The following ZNF263 variants were observed in gnomAD, a reference collection of about 807,000 sequenced individuals.
ZNF263 encodes zinc finger protein FPM315.
In ZNF263, 49 loss-of-function variants were observed where a neutral mutation model predicts 63.1. That is an observed-to-expected ratio of 0.78 (90% CI 0.62 to 0.99). ZNF263 has a LOEUF of 0.99. Among genes scored for constraint, ZNF263 ranks in the 50% least tolerant of loss-of-function variants. The pLI is 0.00. For synonymous variants in ZNF263, 352 were observed against 324.2 expected (o/e 1.09, Z -0.92); for missense variants, 872 against 854.8 (o/e 1.02, Z -0.25).
intron 1 of ZNF263, among the ~76,000 whole-genome samples, chr16:3,296,798 A>AT (rs34213037): frequency 0.35 from 53,242 of 152,010 alleles, 11,728 homozygotes; most frequent in African/African-American, 0.61. Flanking sequence ...CAATAAAAAA[A>AT]ATGAGAACTC....
chr16:3,300,145 C>T (rs777341871), intron 2 of ZNF263: 66 of 1,614,056 alleles, frequency 4.1e-5, no homozygotes, highest in Admixed American at 8.3e-5. Context: ...CAGTTTTTGT[C>T]GAAATGGCTC....
rs781167397 is a variant in ZNF263 at position 3,284,113 on chromosome 16, A to C, written c.295A>C (p.Ser99Arg). ...FLTILPQEIQ[S>R]RVQELHPESG... ...GACCATCCTGCCCCAGGAGATCCAGAGCAGGGTGCAGGAGCTGCATCCGGA... is the reference window on the plus strand; with the variant it reads ...GACCATCCTGCCCCAGGAGATCCAGCGCAGGGTGCAGGAGCTGCATCCGGA... The change falls in exon 1 of 6, where the codon AGC (serine) becomes CGC (arginine). Residue 99 changes from serine to arginine, a missense_variant. By Grantham distance (110) the Ser-to-Arg change is moderately radical. Transcript: ENST00000219069. The C allele has an allele frequency of 5.0e-6, 8 of 1,612,616 alleles. No homozygotes were observed. In the African/African-American group the frequency reaches 1.1e-4, roughly 22 times the overall value.
Position 3,291,164 on chromosome 16 carries a change from C to T in ZNF263, c.*606C>T. The stretch of plus-strand genomic sequence containing the variant: ...TTACACATGTAAATATGACCTCAGA[C>T]AAAAAGGAACCAGAGGCCCAAGGGC... On this transcript the variant is annotated 3_prime_UTR_variant, in exon 6 of 6. Transcript: ENST00000219069. The T allele has an allele frequency of 1.0e-6, 1 of 985,688 alleles. No individual in the cohort carries two copies. The highest frequency in any genetic ancestry group is 4.7e-5 in the South Asian group (1 of 21,294). The allele number at this position is 985,688 out of a possible 1,614,324, so 61.1% of individuals were successfully genotyped here.
intron 1 of ZNF263, among the ~76,000 whole-genome samples, chr16:3,296,901 G>C (rs1287219301): frequency 6.6e-6 from 1 of 152,202 alleles, no homozygotes; most frequent in East Asian, 1.9e-4. Context: ...AATTCGCAGA[G>C]GGAGTTGGTG....
rs533642330 is a variant in ZNF263, at chr16:3,300,772, A to G, written c.*47-141A>G. The G allele has an allele frequency of 7.8e-6, 10 of 1,275,838 alleles. No individual in the cohort carries two copies. The South Asian group carries it at 1.2e-4, about 15-fold the overall frequency. 79.0% of individuals were successfully genotyped at this position (1,275,838 alleles called of 1,614,324 possible). ...GGATAATGGACTGAAGGGGCTAACC[A>G]TGACTGAAGAGCTAGTCTAGAGGTG... On this transcript the variant is annotated intron_variant, in intron 2 of 2. Transcript: ENST00000574674.
rs747230956 is a variant in ZNF263 at position 3,288,475 on chromosome 16, A to G, written c.791A>G (p.Glu264Gly). The G allele has an allele frequency of 6.2e-7, 1 of 1,612,192 alleles. No homozygotes were observed. The highest frequency in any genetic ancestry group is 2.2e-5 in the East Asian group (1 of 44,794). The change falls in exon 5 of 6, where the codon GAG (glutamate) becomes GGG (glycine). Residue 264 changes from glutamate to glycine, a missense_variant. Physicochemically the swap from Glu to Gly is moderately conservative, Grantham distance 98 (BLOSUM62 -2). Transcript: ENST00000219069. The part of the protein sequence containing the change: ...DSLESHIPSQ[E>G]VPGTQVGQGG... ...ACAGAGTCTCACATTCCCAGTCAGG[A>G]GGTCCCAGGCACCCAGGTGGGACAA...
Position 3,284,114 on chromosome 16 carries a change from G to T in ZNF263, c.296G>T (p.Ser99Ile). The change falls in exon 1 of 6, where the codon AGC (serine) becomes ATC (isoleucine). Residue 99 changes from serine to isoleucine, a missense_variant. Coordinates refer to ENST00000219069, the MANE Select transcript of ZNF263 (RefSeq NM_005741.5). ...FLTILPQEIQ[S>I]RVQELHPESG... ...ACCATCCTGCCCCAGGAGATCCAGA[G>T]CAGGGTGCAGGAGCTGCATCCGGAG... 3.7e-6 allele frequency: 6 copies of T among 1,612,560 alleles called. No homozygotes were observed. Among genetic ancestry groups the T allele is most frequent in the Non-Finnish European group, 5.1e-6 (6 of 1,179,044 alleles).
downstream of ZNF263, among the ~76,000 whole-genome samples, chr16:3,294,172 G>A (rs933197864): frequency 3.9e-5 from 6 of 152,176 alleles, no homozygotes; most frequent in African/African-American, 1.4e-4. Flanking sequence ...TGATCTGCCC[G>A]CCTCGGCCTC....
chr16:3,295,168 C>T (rs1325057161), downstream of ZNF263, among the ~76,000 whole-genome samples: 1 of 152,214 alleles, frequency 6.6e-6, no homozygotes, highest in African/African-American at 2.4e-5. Flanking sequence ...CGCATCGGCT[C>T]ACACGCGGCC....
At chr16:3,300,038 C>A (rs1334446445) in intron 2 of ZNF263, 1 of 1,614,166 alleles carries the variant, frequency 6.2e-7, no homozygotes, top group Non-Finnish European at 8.5e-7. Context: ...TTCCTACTTG[C>A]CTGAGAATTT....
downstream of ZNF263, among the ~76,000 whole-genome samples, chr16:3,295,272 C>G (rs1283462090): frequency 6.6e-6 from 1 of 152,166 alleles, no homozygotes; most frequent in Non-Finnish European, 1.5e-5. Context: ...GGCCGCCCTG[C>G]GCCCGGTCCC....
chr16:3,295,992 G>A (rs1248143819), downstream of ZNF263, among the ~76,000 whole-genome samples: 1 of 152,126 alleles, frequency 6.6e-6, no homozygotes, highest in Non-Finnish European at 1.5e-5. Flanking sequence ...CAGCTTGCCT[G>A]GGAGATACAC....
rs1358793277 is a variant in ZNF263 at position 3,289,552 on chromosome 16, C to A, written c.1046C>A (p.Pro349Gln). 7 of 1,611,376 alleles carry A rather than the reference C, an allele frequency of 4.3e-6. No homozygotes were observed. The highest frequency in any genetic ancestry group is 2.2e-5 in the South Asian group (2 of 90,816). ...DRSQGDWAPP[P>Q]EGGMEQALAG... ...TCGCAAGGGGATTGGGCGCCTCCCCCAGAGGGTGGAATGGAGCAGGCCTTG... is the reference window on the plus strand; with the variant it reads ...TCGCAAGGGGATTGGGCGCCTCCCCAAGAGGGTGGAATGGAGCAGGCCTTG... The change falls in exon 6 of 6, where the codon CCA becomes CAA. Residue 349 changes from proline (P) to glutamine (Q), a missense_variant. By Grantham distance (76) the Pro-to-Gln change is moderately conservative (BLOSUM62 -1). Transcript: ENST00000219069.
intron 5 of ZNF263, 133 bp from the exon 6 acceptor site, chr16:3,289,260 A>C (rs776705104): frequency 1.2e-5 from 11 of 908,048 alleles, no homozygotes; most frequent in Non-Finnish European, 1.8e-5. Flanking sequence ...CTTTACCTTT[A>C]GGAGAGGATG....
chr16:3,284,979 G>T, intron 1 of ZNF263, 80 bp from the exon 2 acceptor site: 1 of 1,545,062 alleles, frequency 6.5e-7, no homozygotes, highest in East Asian at 2.3e-5. Flanking sequence ...TCTGTTGAAG[G>T]TTTGCTCTCA....
At chr16:3,300,539 G>A (rs752644153) in intron 2 of ZNF263, 16 of 1,613,172 alleles carry the variant, frequency 9.9e-6, no homozygotes, top group Admixed American at 3.3e-5. Flanking sequence ...TTAAGTGATC[G>A]TCCAGCTTCA....
chr16:3,284,157 G>A lies in ZNF263; in HGVS notation c.339G>A (p.Val113=). Residue 113 remains valine (V), a synonymous_variant, in exon 1 of 6, where the codon GTG becomes GTA. Transcript: ENST00000219069. ...ELHPESGEEA[V]TLVEDMQREL... ...ATCCGGAGAGCGGCGAAGAAGCGGT[G>A]ACCCTTGTGGAGGATATGCAGAGAG... The A allele has an allele frequency of 6.3e-7, 1 of 1,589,826 alleles. No individual in the cohort carries two copies.
At position 3,285,674 on chromosome 16, in the gene ZNF263, C is replaced by T; in HGVS notation, c.569-7C>T. 1.9e-6 allele frequency: 3 copies of T among 1,613,896 alleles called. No individual in the cohort carries two copies. The highest frequency in any genetic ancestry group is 2.2e-5 in the East Asian group (1 of 44,874). Reference sequence around the variant, plus strand: ...GCCATTCTCATTATAATTTCTGTCACCTTCAGCATTATCTGCTCCCTGGCT... The same window carrying T: ...GCCATTCTCATTATAATTTCTGTCATCTTCAGCATTATCTGCTCCCTGGCT... On this transcript the variant is annotated splice_region_variant and splice_polypyrimidine_tract_variant and intron_variant, in intron 2 of 5. Coordinates refer to ENST00000219069, the MANE Select transcript of ZNF263 (RefSeq NM_005741.5).
chr16:3,296,670 T>C (rs1959754855), intron 1 of ZNF263, among the ~76,000 whole-genome samples: 1 of 152,204 alleles, frequency 6.6e-6, no homozygotes, highest in African/African-American at 2.4e-5. Flanking sequence ...TTCTACAAGT[T>C]CTGGGTAATA....
Sources: gnomAD v4.1 joint callset for allele counts (sites outside exome capture counted in the v4.1 genomes callset) on GRCh38, gnomAD v4.1.1 for gene constraint, MANE v1.5 for transcripts, NCBI Gene and HGNC (gene_info 2026-07-23, HGNC 2026-07-21) for gene names.